The following SNCAIP variants were observed in gnomAD, a reference collection of about 807,000 sequenced individuals.
The protein encoded by SNCAIP is synuclein alpha interacting protein.
A neutral mutation model predicts 86.7 loss-of-function variants in SNCAIP; 43 were observed. The ratio of observed to expected loss-of-function variants is 0.50; its 90% CI spans 0.39 to 0.64. The LOEUF (loss-of-function observed/expected upper bound fraction) is 0.64. SNCAIP is among the 30% of genes least tolerant of loss of function. The pLI, the probability that SNCAIP is intolerant of heterozygous loss-of-function variation, is 0.00. For missense variants in SNCAIP, 981 were observed against 1,103.1 expected (o/e 0.89, Z 1.57); for synonymous variants, 417 against 427.2 (o/e 0.98, Z 0.29).
intron 1 of SNCAIP, among the ~76,000 whole-genome samples, chr5:122,344,507 G>A (rs575880172): frequency 6.6e-6 from 1 of 152,298 alleles, no homozygotes; most frequent in Admixed American, 6.5e-5. Flanking sequence ...CCTTCAGAGA[G>A]GAGAGGGCTT....
intron 1 of SNCAIP, among the ~76,000 whole-genome samples, chr5:122,318,605 AT>A (rs1752300602): frequency 6.6e-6 from 1 of 152,170 alleles, no homozygotes; most frequent in Non-Finnish European, 1.5e-5. Context: ...TTTCCTTTAA[AT>A]TGATTTTCAC....
At chr5:122,410,991 T>G (rs77700774) in intron 3 of SNCAIP, among the ~76,000 whole-genome samples, 1 of 152,248 alleles carries the variant, frequency 6.6e-6, no homozygotes, top group East Asian at 1.9e-4. Flanking sequence ...GCAGTGGAAT[T>G]AAGAAAGGAA....
intron 1 of SNCAIP, chr5:122,369,717 T>A (rs917988554): frequency 6.6e-6 from 1 of 152,166 alleles, no homozygotes; most frequent in East Asian, 1.9e-4. Context: ...CACAATCACC[T>A]TCCTTGGTGA....
In SNCAIP at chr5:122,435,353, C is replaced by CTTGGGCTGT. The variant is rs1779201738; in HGVS notation, c.1296+3274_1296+3282dup. ...CAATTCAAAGCTACTGCCTGTGTAA[C>CTTGGGCTGT]TTGGGCTGTTTTATTCAAACATGAA... is the stretch of plus-strand genomic sequence containing the variant. On this transcript the variant is annotated intron_variant, in intron 6 of 10. Transcript: ENST00000261368. Among the ~76,000 whole-genome samples, 10 of 152,132 alleles carry CTTGGGCTGT rather than the reference C, an allele frequency of 6.6e-5. No homozygotes were observed. The South Asian group carries it at 1.9e-3, about 28-fold the overall frequency.
At chr5:122,385,388 C>A (rs960016629) in intron 1 of SNCAIP, among the ~76,000 whole-genome samples, 6 of 152,176 alleles carry the variant, frequency 3.9e-5, no homozygotes, top group Non-Finnish European at 8.8e-5. Context: ...TTGCCTCTAT[C>A]ATTTTTCTGC....
chr5:122,381,024 T>G (rs1766636841), intron 1 of SNCAIP, among the ~76,000 whole-genome samples: 1 of 149,460 alleles, frequency 6.7e-6, no homozygotes, highest in Non-Finnish European at 1.5e-5. Flanking sequence ...TCTGTTGATT[T>G]GGGGTGGAGA....
chr5:122,365,912 G>C (rs548826818), intron 1 of SNCAIP, among the ~76,000 whole-genome samples: 1 of 152,058 alleles, frequency 6.6e-6, no homozygotes, highest in East Asian at 1.9e-4. Flanking sequence ...AATTTTTCAC[G>C]GAGGAAGAGG....
chr5:122,439,000 T>C (rs1343816482), intron 6 of SNCAIP, among the ~76,000 whole-genome samples: 5 of 152,230 alleles, frequency 3.3e-5, no homozygotes, highest in Non-Finnish European at 7.3e-5. Context: ...TCTTTTATCC[T>C]GAGATACTTC....
At chr5:122,328,685 T>C (rs1233760322) in intron 1 of SNCAIP, among the ~76,000 whole-genome samples, 1 of 152,242 alleles carries the variant, frequency 6.6e-6, no homozygotes, top group Admixed American at 6.5e-5. Flanking sequence ...ACATTGATCT[T>C]TCTCAAATTG....
intron 1 of SNCAIP, chr5:122,321,598 A>G (rs1195262763): frequency 1.3e-5 from 2 of 152,216 alleles, no homozygotes; most frequent in Non-Finnish European, 2.9e-5. Flanking sequence ...AAAGCCCACC[A>G]TTGGCAGTGG....
chr5:122,449,800 G>A lies in SNCAIP; in HGVS notation c.1593-45G>A, dbSNP rs751318552. ...ATATTATACACCCTAATTTATAGCA[G>A]TAACCAGTATCAGAGTCCTCATGTG... On this transcript the variant is annotated intron_variant, in intron 8 of 10. Transcript: ENST00000261368. 3.3e-6 allele frequency: 4 copies of A among 1,229,976 alleles called. No individual in the cohort carries two copies. In the Middle Eastern group the frequency reaches 5.6e-4, roughly 172 times the overall value. The allele number at this position is 1,229,976 out of a possible 1,614,324, so 76.2% of individuals were successfully genotyped here. A position where few individuals can be genotyped will look rare whatever the true frequency, so the allele number is the denominator to read the frequency against.
chr5:122,454,383 C>A (rs1189140498), intron 10 of SNCAIP: 1 of 152,650 alleles, frequency 6.6e-6, no homozygotes. Flanking sequence ...AACCTTGGAG[C>A]TTCAATATTT....
chr5:122,444,101 A>G (rs1335195311), intron 7 of SNCAIP: 2 of 457,160 alleles, frequency 4.4e-6, no homozygotes, highest in Non-Finnish European at 8.8e-6. Flanking sequence ...TTTATTCCTG[A>G]TCAGGTTGGC....
intron 1 of SNCAIP, among the ~76,000 whole-genome samples, chr5:122,327,215 C>G (rs1241599332): frequency 6.6e-6 from 1 of 152,030 alleles, no homozygotes; most frequent in Non-Finnish European, 1.5e-5. Flanking sequence ...GTTGTGTTGA[C>G]ATGAGTACCA....
rs1219614445 is a variant in SNCAIP at position 122,450,717 on chromosome 5, T to C, written c.1870T>C (p.Leu624=). The C allele has an allele frequency of 1.4e-5, 23 of 1,614,084 alleles. No individual in the cohort carries two copies. The highest frequency in any genetic ancestry group is 1.9e-5 in the Non-Finnish European group (23 of 1,180,038). ...EDSDKILRQL[L]GKEISENVCT... The stretch of plus-strand genomic sequence containing the variant: ...TTCTGATAAAATCTTACGCCAGTTA[T>C]TGGGAAAGGAAATCTCAGAAAATGT... The change falls in exon 10 of 11, where the codon TTG becomes CTG. Residue 624 remains leucine, a synonymous_variant. Transcript: ENST00000261368.
intron 1 of SNCAIP, among the ~76,000 whole-genome samples, chr5:122,330,651 T>C (rs1755122700): frequency 6.6e-6 from 1 of 152,120 alleles, no homozygotes; most frequent in Admixed American, 6.5e-5. Flanking sequence ...TTTACTGAGA[T>C]GAACAAATGT....
chr5:122,441,947 G>T (rs183870851), intron 7 of SNCAIP, among the ~76,000 whole-genome samples: 1 of 152,022 alleles, frequency 6.6e-6, no homozygotes, highest in South Asian at 2.1e-4. Flanking sequence ...GACATATATG[G>T]ATTTATTCCC....
chr5:122,344,515 C>T (rs887536849), intron 1 of SNCAIP, among the ~76,000 whole-genome samples: 1 of 152,126 alleles, frequency 6.6e-6, no homozygotes, highest in African/African-American at 2.4e-5. Flanking sequence ...GAGGAGAGGG[C>T]TTTGAGCTAC....
chr5:122,390,260 C>T (rs528511966), intron 1 of SNCAIP, among the ~76,000 whole-genome samples: 1 of 152,234 alleles, frequency 6.6e-6, no homozygotes, highest in African/African-American at 2.4e-5. Context: ...CACACCAAGG[C>T]GCTGTCAGGA....
Sources: allele counts gnomAD v4.1 joint callset (sites outside exome capture counted in the v4.1 genomes callset), GRCh38; gene constraint gnomAD v4.1.1; transcripts MANE v1.5; gene names NCBI Gene and HGNC (gene_info 2026-07-23, HGNC 2026-07-21).